The following ZNF519 variants were observed in gnomAD, a reference collection of about 807,000 sequenced individuals.
The protein encoded by ZNF519 is zinc finger protein 519.
Under a neutral mutation model 7.4 loss-of-function variants are expected in ZNF519, and 7 were observed. That is an observed-to-expected ratio of 0.94 (90% CI 0.54 to 1.77). ZNF519 has a LOEUF of 1.77. ZNF519 is among the 40% of genes most tolerant of loss of function. The pLI, the probability that ZNF519 is intolerant of heterozygous loss-of-function variation, is 0.00. For synonymous variants in ZNF519, 179 were observed against 203.3 expected (o/e 0.88, Z 1.02); for missense variants, 586 against 623.1 (o/e 0.94, Z 0.63).
At chr18:14,109,282 C>T (rs1481918686) in intron 2 of ZNF519, among the ~76,000 whole-genome samples, 1 of 152,120 alleles carries the variant, frequency 6.6e-6, no homozygotes, top group Non-Finnish European at 1.5e-5. Flanking sequence ...TGCAACACCC[C>T]ACTTTCAGCA....
chr18:14,094,167 G>C (rs2046124978), intron 2 of ZNF519, among the ~76,000 whole-genome samples: 1 of 152,172 alleles, frequency 6.6e-6, no homozygotes, highest in Non-Finnish European at 1.5e-5. Flanking sequence ...CAGCTAAGTG[G>C]AGCTCTGTAT....
intron 3 of ZNF519, among the ~76,000 whole-genome samples, chr18:14,078,795 C>T: frequency 6.6e-6 from 1 of 151,032 alleles, no homozygotes; most frequent in East Asian, 1.9e-4. Flanking sequence ...TAAAAAAAAT[C>T]CTTGATTATG....
intron 1 of ZNF519, among the ~76,000 whole-genome samples, chr18:14,128,951 G>A (rs1337242424): frequency 6.6e-6 from 1 of 152,112 alleles, no homozygotes; most frequent in African/African-American, 2.4e-5. Context: ...AGTAGGCACT[G>A]GATTCAGGCA....
At position 14,111,807 on chromosome 18, in the gene ZNF519, G is replaced by A. The variant is rs1267234497; in HGVS notation, c.131-5398C>T. ...ATAAAAAACCTCCTATGAGAGAAAA[G>A]CCTGAAATCTGATGGCTTCACTGAA... On this transcript the variant is annotated intron_variant, in intron 2 of 2. Coordinates refer to ENST00000590202, the MANE Select transcript of ZNF519 (RefSeq NM_145287.4). Among the ~76,000 whole-genome samples the A allele has an allele frequency of 2.6e-5, 4 of 152,238 alleles. No homozygotes were observed. The South Asian group carries it at 6.2e-4, about 24-fold the overall frequency.
At chr18:14,107,144 C>T (rs1231935247) in intron 2 of ZNF519, among the ~76,000 whole-genome samples, 2 of 152,110 alleles carry the variant, frequency 1.3e-5, no homozygotes, top group Non-Finnish European at 2.9e-5. Flanking sequence ...GTGCTTACAC[C>T]ACCCCTCCTC....
chr18:14,081,402 A>C (rs1187854075), intron 3 of ZNF519, among the ~76,000 whole-genome samples: 2 of 152,228 alleles, frequency 1.3e-5, no homozygotes, highest in Admixed American at 6.5e-5. Context: ...TAAAGAAAAA[A>C]ATGAGGATTA....
At chr18:14,085,919 C>T (rs959157263) in intron 2 of ZNF519, among the ~76,000 whole-genome samples, 2 of 152,184 alleles carry the variant, frequency 1.3e-5, no homozygotes, top group East Asian at 3.8e-4. Context: ...GGCATCAGGC[C>T]ACGAGCAAAC....
rs772044942 is a variant in ZNF519, at chr18:14,124,313, G to A, written c.130+37C>T. On this transcript the variant is annotated intron_variant, in intron 2 of 2. Transcript: ENST00000590202. ...ACAAAGAAAGAAAATAAAACTCTGA[G>A]GGAGAATTAGGAATTATGTATTGAA... 7.7e-6 allele frequency: 12 copies of A among 1,560,462 alleles called. No individual in the cohort carries two copies. In the African/African-American group the frequency reaches 1.3e-4, roughly 16 times the overall value.
rs879080263 is a variant in ZNF519 at position 14,105,097 on chromosome 18, G to A, written c.1443C>T (p.Val481=). The change falls in exon 3 of 3, where the codon GTC becomes GTT. Residue 481 remains valine, a synonymous_variant. Transcript: ENST00000590202. ...WGSHLTQHQR[V]HTGEKFFKCK... is the part of the protein sequence containing the mutation. ...ATTTGAAGAATTTCTCTCCAGTATG[G>A]ACTCTCTGATGTTGAGTAAGGTGTG... The A allele has an allele frequency of 1.2e-6, 2 of 1,612,168 alleles. No individual in the cohort carries two copies. Among genetic ancestry groups the A allele is most frequent in the South Asian group, 1.1e-5 (1 of 90,784 alleles).
rs75044562 is a variant in ZNF519 at position 14,130,194 on chromosome 18, C to CAA, written c.3+2079_3+2080dup. On this transcript the variant is annotated intron_variant, in intron 1 of 2. Coordinates refer to ENST00000590202, the MANE Select transcript of ZNF519 (RefSeq NM_145287.4). ...GCTGAACAATTTCATCTCCGATGGT[C>CAA]AAAAAAAAAAAAAAGCCTATTTGTT... is the stretch of plus-strand genomic sequence containing the variant. Among the ~76,000 whole-genome samples, 1,111 of 127,892 alleles carry CAA rather than the reference C, an allele frequency of 8.7e-3. 15 individuals are homozygous for CAA. Among genetic ancestry groups the CAA allele is most frequent in the African/African-American group, 0.03 (995 of 33,576 alleles). 83.9% of individuals were successfully genotyped at this position (127,892 alleles called of 152,430 possible). A position where few individuals can be genotyped will look rare whatever the true frequency, so the allele number is the denominator to read the frequency against.
Position 14,102,460 on chromosome 18 carries a change from C to A in ZNF519, c.*2457G>T, listed in dbSNP as rs1256724506. 1 of 152,178 alleles carries A rather than the reference C, an allele frequency of 6.6e-6. No homozygotes were observed. The highest frequency in any genetic ancestry group is 1.5e-5 in the Non-Finnish European group (1 of 68,050). The allele number at this position is 152,178 out of a possible 1,614,324, so 9.4% of individuals were successfully genotyped here. On this transcript the variant is annotated 3_prime_UTR_variant, in exon 3 of 3. Transcript: ENST00000590202. ...CTGGGATTACAGGCATTAGCCACTACGCCTGCCCCTGTCTTTCACTTTAAA... is the reference window on the plus strand; with the variant it reads ...CTGGGATTACAGGCATTAGCCACTAAGCCTGCCCCTGTCTTTCACTTTAAA...
chr18:14,122,554 T>C (rs775851644), intron 2 of ZNF519: 10 of 151,882 alleles, frequency 6.6e-5, no homozygotes, highest in Admixed American at 6.6e-4. Flanking sequence ...CAGCCCTTTA[T>C]AAGTGATAAA....
Position 14,079,068 on chromosome 18 carries a change from G to A in ZNF519, c.*178-770C>T, listed in dbSNP as rs78661452. On this transcript the variant is annotated intron_variant and NMD_transcript_variant, in intron 3 of 4. Transcript: ENST00000587419. ...TGGAATAAAAAAAGGGGTTGCCTCC[G>A]ACACAGTTGCCAATTCTTGAATTTC... is the stretch of plus-strand genomic sequence containing the variant. Among the ~76,000 whole-genome samples, 1,068 of 152,282 alleles carry A rather than the reference G, an allele frequency of 7.0e-3. 13 individuals carry two copies. The highest frequency in any genetic ancestry group is 0.023 in the African/African-American group (968 of 41,542).
At chr18:14,089,112 A>AT (rs1567940383) in intron 2 of ZNF519, among the ~76,000 whole-genome samples, 1 of 152,192 alleles carries the variant, frequency 6.6e-6, no homozygotes, top group Non-Finnish European at 1.5e-5. Flanking sequence ...TGTGATGAAT[A>AT]TAAGTATGAA....
At position 14,127,557 on chromosome 18, in the gene ZNF519, C is replaced by T. The variant is rs563349442; in HGVS notation, c.4-3081G>A. Among the ~76,000 whole-genome samples the T allele has an allele frequency of 1.4e-4, 22 of 152,264 alleles. No homozygotes were observed. In the Middle Eastern group the frequency reaches 0.01, roughly 71 times the overall value. On this transcript the variant is annotated intron_variant, in intron 1 of 2. Transcript: ENST00000590202. ...AAAATCTGGAGCTGCACATTTAGGT[C>T]TTGAAGGGCTGATGAGTGGTGGCCC...
chr18:14,123,047 G>T, intron 2 of ZNF519: 1 of 160,368 alleles, frequency 6.2e-6, no homozygotes, highest in South Asian at 1.8e-4. Context: ...TACATTTTAA[G>T]GCCTGGCTTC....
In ZNF519 at chr18:14,105,848, T is replaced by C. The variant is rs542107107; in HGVS notation, c.692A>G (p.Tyr231Cys). 13 of 1,602,802 alleles carry C rather than the reference T, an allele frequency of 8.1e-6. No individual in the cohort carries two copies. Among genetic ancestry groups the C allele is most frequent in the Admixed American group, 7.0e-5 (4 of 57,108 alleles). Residue 231 changes from tyrosine to cysteine, a missense_variant, in exon 3 of 3, where the codon TAT becomes TGT. By Grantham distance (194) the Tyr-to-Cys change is radical. Coordinates refer to ENST00000590202, the MANE Select transcript of ZNF519 (RefSeq NM_145287.4). Reference sequence around the variant, plus strand: ...ACATCTTTGTGAGCTCTCTCCAATATAAATTCTTTGATGTTGAGTAAGCTT... The same window carrying C: ...ACATCTTTGTGAGCTCTCTCCAATACAAATTCTTTGATGTTGAGTAAGCTT... ...FSKLTQHQRIYIGESSQRCNK... is the reference protein window; with the variant it reads ...FSKLTQHQRICIGESSQRCNK...
intron 2 of ZNF519, among the ~76,000 whole-genome samples, chr18:14,123,611 C>A (rs745333536): frequency 2.0e-5 from 3 of 151,956 alleles, no homozygotes; most frequent in Non-Finnish European, 4.4e-5. Context: ...CTCAGCTACC[C>A]GGGAGGCTGA....
chr18:14,105,614 T>C lies in ZNF519; in HGVS notation c.926A>G (p.Gln309Arg), dbSNP rs1013460311. The part of the protein sequence containing the change: ...KAFNKSSHLA[Q>R]HQRIHTGEKP... ...CTCTCCAGTATGGATTCTCTGATGT[T>C]GAGCAAGGTGTGAACTCTTGTTAAA... The change falls in exon 3 of 3, where the codon CAA becomes CGA. Residue 309 changes from glutamine to arginine, a missense_variant. Physicochemically the swap from Gln to Arg is conservative, Grantham distance 43. Transcript: ENST00000590202. 52 of 1,613,750 alleles carry C rather than the reference T, an allele frequency of 3.2e-5. No homozygotes were observed. Among genetic ancestry groups the C allele is most frequent in the Non-Finnish European group, 3.8e-5 (45 of 1,179,946 alleles).
Sources: gnomAD v4.1 joint callset for allele counts (sites outside exome capture counted in the v4.1 genomes callset) on GRCh38, gnomAD v4.1.1 for gene constraint, MANE v1.5 for transcripts, NCBI Gene and HGNC (gene_info 2026-07-23, HGNC 2026-07-21) for gene names.